The following CNOT10 variants were observed in gnomAD, a reference collection of about 807,000 sequenced individuals.
CNOT10 encodes the protein CCR4-NOT transcription complex, subunit 10.
In CNOT10, 30 loss-of-function variants were observed where a neutral mutation model predicts 94.6. The ratio of observed to expected loss-of-function variants is 0.32; its 90% CI spans 0.24 to 0.43. The LOEUF (loss-of-function observed/expected upper bound fraction) is 0.43. CNOT10 is among the 20% of genes least tolerant of loss of function. The pLI is 1.00. For synonymous variants in CNOT10, 289 were observed against 301.6 expected, an observed-to-expected ratio of 0.96 and a Z score of 0.43; for missense variants, 759 against 877.2, an observed-to-expected ratio of 0.87 and a Z score of 1.70.
intron 13 of CNOT10, 68 bp from the exon 14 acceptor site, chr3:32,759,390 A>G (rs1700350810): frequency 1.8e-6 from 2 of 1,112,494 alleles, no homozygotes; most frequent in Admixed American, 3.8e-5. Flanking sequence ...ATTTCTTCCT[A>G]TTTAGCAAAT....
At chr3:32,689,908 TTGTGCCACTGTAC>T (rs1225013956) in intron 1 of CNOT10, among the ~76,000 whole-genome samples, 6 of 152,190 alleles carry the variant, frequency 3.9e-5, no homozygotes, top group African/African-American at 1.4e-4. Context: ...TGAGCTATAA[TTGTGCCACTGTAC>T]TGTAGCCTGG....
At chr3:32,693,952 T>TA (rs1696951543) in intron 1 of CNOT10, among the ~76,000 whole-genome samples, 1 of 152,174 alleles carries the variant, frequency 6.6e-6, no homozygotes, top group Non-Finnish European at 1.5e-5. Context: ...TTGTGGACAT[T>TA]AGAGAGTACC....
intron 17 of CNOT10, chr3:32,765,016 T>G: frequency 6.7e-7 from 1 of 1,486,170 alleles, no homozygotes. Context: ...TTCTTCTTGA[T>G]GATTTTATTT....
intron 13 of CNOT10, among the ~76,000 whole-genome samples, chr3:32,757,968 T>C (rs150447596): frequency 6.6e-6 from 1 of 152,358 alleles, no homozygotes; most frequent in African/African-American, 2.4e-5. Flanking sequence ...TTCTACCTGT[T>C]TAAAAAGACA....
intron 13 of CNOT10, among the ~76,000 whole-genome samples, chr3:32,754,489 A>AAAAATATATATATATAT (rs77878221): frequency 2.8e-5 from 2 of 70,220 alleles, no homozygotes; most frequent in Non-Finnish European, 4.5e-5. Flanking sequence ...AAAAAAAAAA[A>AAAAATATATATATATAT]ATACATATAT....
At chr3:32,736,572 C>T (rs936109185) in intron 12 of CNOT10, among the ~76,000 whole-genome samples, 3 of 152,066 alleles carry the variant, frequency 2.0e-5, no homozygotes, top group African/African-American at 7.2e-5. Flanking sequence ...GCTAGGAGTT[C>T]GAAGCTAGCC....
At chr3:32,715,459 T>G (rs1698078346) in intron 5 of CNOT10, among the ~76,000 whole-genome samples, 1 of 152,072 alleles carries the variant, frequency 6.6e-6, no homozygotes, top group Non-Finnish European at 1.5e-5. Flanking sequence ...CAGTGGGAGA[T>G]GATGTTGGCA....
At position 32,759,408 on chromosome 3, in the gene CNOT10, T is replaced by C. The variant is rs373252743; in HGVS notation, c.1596-50T>C. The C allele has an allele frequency of 4.8e-6, 6 of 1,262,990 alleles. No homozygotes were observed. The African/African-American group carries it at 5.9e-5, about 12-fold the overall frequency. 78.2% of individuals were successfully genotyped at this position (1,262,990 alleles called of 1,614,324 possible). On this transcript the variant is annotated intron_variant, in intron 13 of 18. Coordinates refer to ENST00000328834, the MANE Select transcript of CNOT10 (RefSeq NM_015442.3). ...TCTTCCTATTTAGCAAATATAACCA[T>C]TATCAATGTTTAAAATGAGATTTTC...
intron 13 of CNOT10, chr3:32,753,767 C>T: frequency 6.2e-7 from 1 of 1,602,052 alleles, no homozygotes; most frequent in Non-Finnish European, 8.5e-7. Flanking sequence ...TCAGATGGTT[C>T]TGATGAAGTG....
At chr3:32,769,849 TTTG>T (rs1314012271) in intron 17 of CNOT10, 35 bp from the exon 18 acceptor site, 6 of 1,549,462 alleles carry the variant, frequency 3.9e-6, no homozygotes, top group Non-Finnish European at 4.5e-6. Flanking sequence ...ATCTTAAGCT[TTTG>T]TTTTTTCACG....
At chr3:32,690,501 T>C (rs935960172) in intron 1 of CNOT10, among the ~76,000 whole-genome samples, 2 of 152,146 alleles carry the variant, frequency 1.3e-5, no homozygotes, top group Non-Finnish European at 2.9e-5. Context: ...CCTCTTGCCT[T>C]AGCCTCTTGA....
intron 13 of CNOT10, among the ~76,000 whole-genome samples, chr3:32,739,004 A>G (rs1280751898): frequency 1.3e-5 from 2 of 150,126 alleles, no homozygotes; most frequent in Admixed American, 6.7e-5. Flanking sequence ...TACCAGTTTC[A>G]GGCGATTCTC....
chr3:32,723,957 G>A (rs1408884861), intron 8 of CNOT10, among the ~76,000 whole-genome samples: 3 of 152,100 alleles, frequency 2.0e-5, no homozygotes, highest in Non-Finnish European at 4.4e-5. Flanking sequence ...GCCCGTGCCT[G>A]TAGTCCCAGC....
chr3:32,760,131 CTCT>C (rs10558501), intron 14 of CNOT10, among the ~76,000 whole-genome samples: 148,915 of 151,002 alleles, frequency 0.99, 73,469 homozygotes, highest in Non-Finnish European at 1. Context: ...GCAGTGAGAT[CTCT>C]GCACCACTGC....
At chr3:32,735,987 G>A (rs373983758) in intron 12 of CNOT10, among the ~76,000 whole-genome samples, 320 of 152,234 alleles carry the variant, frequency 2.1e-3, no homozygotes, top group Middle Eastern at 0.014. Flanking sequence ...TAGAAATTGG[G>A]AGAACTTTTG....
At chr3:32,722,390 A>G (rs74760664) in intron 8 of CNOT10, among the ~76,000 whole-genome samples, 2 of 152,168 alleles carry the variant, frequency 1.3e-5, no homozygotes, top group Non-Finnish European at 2.9e-5. Context: ...TTTCATTGTC[A>G]TAGTTTCTCC....
rs528291415 is a variant in CNOT10 at position 32,715,883 on chromosome 3, GC to G, written c.574-341del. ...AGTAGTAGCACAATCACGCCTCACT[GC>G]AGCCTTGATCTCCTGGGCTCAGGCA... is the stretch of plus-strand genomic sequence containing the variant. On this transcript the variant is annotated intron_variant, in intron 5 of 18. Coordinates refer to ENST00000328834, the MANE Select transcript of CNOT10 (RefSeq NM_015442.3). 1.7e-3 allele frequency: 290 copies of G among 174,208 alleles called. 1 individual carries two copies. Among genetic ancestry groups the G allele is most frequent in the African/African-American group, 6.1e-3 (256 of 42,260 alleles). The allele number at this position is 174,208 out of a possible 1,614,324, so 10.8% of individuals were successfully genotyped here.
At chr3:32,745,070 G>C (rs1699633547) in intron 13 of CNOT10, among the ~76,000 whole-genome samples, 1 of 151,874 alleles carries the variant, frequency 6.6e-6, no homozygotes, top group Non-Finnish European at 1.5e-5. Flanking sequence ...GTAGAGACGG[G>C]GTTTCACCAT....
intron 1 of CNOT10, chr3:32,695,421 TGGAAAAG>T: frequency 4.8e-6 from 3 of 623,982 alleles, no homozygotes; most frequent in Middle Eastern, 4.8e-4. Flanking sequence ...CTTTTTTCTT[TGGAAAAG>T]TTTTCTTTTC....
Sources: gnomAD v4.1 joint callset for allele counts (sites outside exome capture counted in the v4.1 genomes callset) on GRCh38, gnomAD v4.1.1 for gene constraint, MANE v1.5 for transcripts, NCBI Gene and HGNC (gene_info 2026-07-23, HGNC 2026-07-21) for gene names.